OSBPL3: variants seen among roughly 807,000 people sequenced by gnomAD.
OSBPL3 encodes the protein oxysterol-binding protein-related protein 3.
Under a neutral mutation model 120.1 loss-of-function variants are expected in OSBPL3, and 65 were observed. The ratio of observed to expected loss-of-function variants is 0.54; its 90% CI spans 0.44 to 0.67. OSBPL3 has a LOEUF of 0.67. OSBPL3 is among the 30% of genes least tolerant of loss of function. The pLI, the probability that OSBPL3 is intolerant of heterozygous loss-of-function variation, is 0.00. For synonymous variants in OSBPL3, 416 were observed against 402.6 expected, an observed-to-expected ratio of 1.03 and a Z score of -0.40; for missense variants, 1,004 against 1,082.1, an observed-to-expected ratio of 0.93 and a Z score of 1.01.
chr7:24,882,274 T>A (rs1204254998), intron 2 of OSBPL3, among the ~76,000 whole-genome samples: 1 of 140,106 alleles, frequency 7.1e-6, no homozygotes, highest in African/African-American at 2.7e-5. Context: ...ACCTGCTGAG[T>A]CTCCATTATC....
chr7:24,814,101 C>G (rs1002545445), intron 19 of OSBPL3, among the ~76,000 whole-genome samples: 4 of 152,016 alleles, frequency 2.6e-5, no homozygotes, highest in Admixed American at 2.0e-4. Flanking sequence ...GTGATAAGAA[C>G]TCTGAAGAAA....
Position 24,881,312 on chromosome 7 carries a change from G to C in OSBPL3, c.97-9243C>G, listed in dbSNP as rs767266857. Among the ~76,000 whole-genome samples, 3 of 152,126 alleles carry C rather than the reference G, an allele frequency of 2.0e-5. No individual in the cohort carries two copies. Among genetic ancestry groups the C allele is most frequent in the Non-Finnish European group, 4.4e-5 (3 of 68,026 alleles). On this transcript the variant is annotated intron_variant, in intron 2 of 22. Transcript: ENST00000313367. This position sits in a 1 kb window ranked among gnomAD's most constrained non-coding sequence, Gnocchi z 4.3. The stretch of plus-strand genomic sequence containing the variant: ...CTCATAATGAGAACCTAGTGACAAT[G>C]TTAAGATCTCAGAGAACTTTACAAA...
At chr7:24,856,034 T>C (rs1400377067) in intron 10 of OSBPL3, among the ~76,000 whole-genome samples, 1 of 152,224 alleles carries the variant, frequency 6.6e-6, no homozygotes, top group Non-Finnish European at 1.5e-5. Flanking sequence ...TCCTTCCTGC[T>C]GCTAAGACAT....
rs56401503 is a variant in OSBPL3, at chr7:24,918,035, T to C, written c.-149-25414A>G. ...TGATCCTATGAGTCCATAAAATGAC[T>C]AGCACTCTTACCTATAAAGGTTGGC... On this transcript the variant is annotated intron_variant, in intron 1 of 22. Transcript: ENST00000313367. The surrounding 1 kb of genome is among the most constrained non-coding windows in gnomAD (Gnocchi z 4.3). The C allele has an allele frequency of 2.0e-6, 2 of 975,702 alleles. No homozygotes were observed. Among genetic ancestry groups the C allele is most frequent in the African/African-American group, 3.5e-5 (2 of 57,066 alleles). The allele number at this position is 975,702 out of a possible 1,614,324, so 60.4% of individuals were successfully genotyped here.
rs1257810492 is a variant in OSBPL3 at position 24,835,985 on chromosome 7, TG to T, written c.1496-1250del. Among the ~76,000 whole-genome samples the T allele has an allele frequency of 6.6e-6, 1 of 152,090 alleles. No homozygotes were observed. The highest frequency in any genetic ancestry group is 1.5e-5 in the Non-Finnish European group (1 of 68,008). ...CTATTTGGTGCTATGCTTATTACCT[TG>T]GTGATGAAATAATCTGTACAGCAAC... On this transcript the variant is annotated intron_variant, in intron 14 of 22. Coordinates refer to ENST00000313367, the MANE Select transcript of OSBPL3 (RefSeq NM_015550.4). This position sits in a 1 kb window ranked among gnomAD's most constrained non-coding sequence, Gnocchi z 4.8.
At chr7:24,836,105 T>A (rs1796964997) in intron 14 of OSBPL3, among the ~76,000 whole-genome samples, 1 of 152,044 alleles carries the variant, frequency 6.6e-6, no homozygotes, top group Non-Finnish European at 1.5e-5. Context: ...TGTAAAATAT[T>A]TTTTGCCTAT....
At chr7:24,858,142 G>A (rs928433354) in intron 10 of OSBPL3, among the ~76,000 whole-genome samples, 1 of 152,112 alleles carries the variant, frequency 6.6e-6, no homozygotes, top group Non-Finnish European at 1.5e-5. Flanking sequence ...TATAGAATAA[G>A]GACTTTTAAA....
At chr7:24,842,132 T>C in intron 13 of OSBPL3, 147 bp downstream of exon 13, 1 of 755,002 alleles carries the variant, frequency 1.3e-6, no homozygotes, top group Non-Finnish European at 2.2e-6. Context: ...TTTTTGGGTA[T>C]GAGTTATGGG....
chr7:24,844,370 T>C (rs1404282734), intron 12 of OSBPL3, among the ~76,000 whole-genome samples: 3 of 149,860 alleles, frequency 2.0e-5, no homozygotes, highest in African/African-American at 7.3e-5. Context: ...ATGAGATTTT[T>C]TTTGTGATTT....
Position 24,861,758 on chromosome 7 carries a change from A to G in OSBPL3, c.882T>C (p.Pro294=), listed in dbSNP as rs367845550. The change falls in exon 10 of 23, where the codon CCT becomes CCC. Residue 294 remains proline, a synonymous_variant. Coordinates refer to ENST00000313367, the MANE Select transcript of OSBPL3 (RefSeq NM_015550.4). ...DAKGTLQVPK[P]FSGPVRLHSS... The stretch of plus-strand genomic sequence containing the variant: ...AGTGTAGTCTTACTGGGCCAGAAAA[A>G]GGTTTCGGGACCTGAAGTAACACCA... 106 of 1,589,188 alleles carry G rather than the reference A, an allele frequency of 6.7e-5. No homozygotes were observed. In the African/African-American group the frequency reaches 9.5e-4, roughly 14 times the overall value.
chr7:24,941,896 A>G (rs2076094536), intron 1 of OSBPL3, among the ~76,000 whole-genome samples: 1 of 152,058 alleles, frequency 6.6e-6, no homozygotes, highest in Admixed American at 6.6e-5. Context: ...TATCACTCAC[A>G]TTTTACTCCA....
rs1334336491 is a variant in OSBPL3, at chr7:24,966,933, C to T, written c.-150+12953G>A. ...CGCCACTTTGCTTATTCCCCATTCACAGTCTTCTGGAAAATATATGAAAAA... is the reference window on the plus strand; with the variant it reads ...CGCCACTTTGCTTATTCCCCATTCATAGTCTTCTGGAAAATATATGAAAAA... On this transcript the variant is annotated intron_variant, in intron 1 of 22. Transcript: ENST00000313367. This position sits in a 1 kb window ranked among gnomAD's most constrained non-coding sequence, Gnocchi z 4.8. Among the ~76,000 whole-genome samples the T allele has an allele frequency of 6.6e-6, 1 of 152,180 alleles. No homozygotes were observed. The highest frequency in any genetic ancestry group is 1.5e-5 in the Non-Finnish European group (1 of 68,028).
At chr7:24,925,680 C>T (rs1258608417) in intron 1 of OSBPL3, among the ~76,000 whole-genome samples, 7 of 152,190 alleles carry the variant, frequency 4.6e-5, no homozygotes, top group Non-Finnish European at 5.9e-5. Context: ...AACGTTTCAT[C>T]GCTTTTCTCT....
intron 10 of OSBPL3, among the ~76,000 whole-genome samples, chr7:24,858,636 T>C (rs1225930522): frequency 6.6e-6 from 1 of 152,242 alleles, no homozygotes; most frequent in African/African-American, 2.4e-5. Context: ...AATAAGTGCA[T>C]TGGACCTTTC....
In OSBPL3 at chr7:24,883,473, T is replaced by C; in HGVS notation, c.96+8904A>G. On this transcript the variant is annotated intron_variant, in intron 2 of 22. Transcript: ENST00000313367. The surrounding 1 kb of genome is among the most constrained non-coding windows in gnomAD (Gnocchi z 5.4). Reference sequence around the variant, plus strand: ...TTCTTGAGAACATTCCATTACCTTGTACAGCTGCTATGCTGTGCTCTCAAC... The same window carrying C: ...TTCTTGAGAACATTCCATTACCTTGCACAGCTGCTATGCTGTGCTCTCAAC... Among the ~76,000 whole-genome samples, 1 of 152,202 alleles carries C rather than the reference T, an allele frequency of 6.6e-6. No homozygotes were observed. Among genetic ancestry groups the C allele is most frequent in the East Asian group, 1.9e-4 (1 of 5,206 alleles).
At chr7:24,921,864 G>C (rs1810426040) in intron 1 of OSBPL3, among the ~76,000 whole-genome samples, 2 of 152,198 alleles carry the variant, frequency 1.3e-5, no homozygotes, top group Admixed American at 6.5e-5. Context: ...TTCTTACAGA[G>C]AGCCAAATTG....
At chr7:24,915,586 T>G (rs1223017151) in intron 1 of OSBPL3, among the ~76,000 whole-genome samples, 1 of 151,990 alleles carries the variant, frequency 6.6e-6, no homozygotes, top group Non-Finnish European at 1.5e-5. Context: ...TAATTTTTTT[T>G]TTTTTTTGAG....
chr7:24,893,068 T>C (rs1008460098), intron 1 of OSBPL3, among the ~76,000 whole-genome samples: 1 of 152,192 alleles, frequency 6.6e-6, no homozygotes, highest in Admixed American at 6.5e-5. Context: ...AGCTGTTCTA[T>C]TTCTCAAAAA....
intron 1 of OSBPL3, 126 bp downstream of exon 1, chr7:24,979,760 G>A (rs1818050641): frequency 2.2e-6 from 1 of 450,254 alleles, no homozygotes; most frequent in African/African-American, 2.1e-5. Context: ...CTCCCCGGGC[G>A]ACTCGGACAG....
Sources: gnomAD v4.1 joint callset for allele counts (sites outside exome capture counted in the v4.1 genomes callset) on GRCh38, gnomAD v4.1.1 for gene constraint, Gnocchi (gnomAD v3.1) non-coding constraint, MANE v1.5 for transcripts, NCBI Gene and HGNC (gene_info 2026-07-23, HGNC 2026-07-21) for gene names.